Variants in ULK4 observed in about 807,000 individuals in gnomAD.
ULK4 encodes unc-51 like kinase 4.
Under a neutral mutation model 160.6 loss-of-function variants are expected in ULK4, and 133 were observed. The ratio of observed to expected loss-of-function variants is 0.83; its 90% CI spans 0.72 to 0.96. ULK4 has a LOEUF of 0.96. ULK4 is among the 40% of genes least tolerant of loss of function. The pLI is 0.00. For synonymous variants in ULK4, 534 were observed against 539.8 expected (o/e 0.99, Z 0.15); for missense variants, 1,580 against 1,499.5 (o/e 1.05, Z -0.89).
At chr3:41,885,624 C>T (rs1364609435) in intron 16 of ULK4, among the ~76,000 whole-genome samples, 5 of 152,102 alleles carry the variant, frequency 3.3e-5, no homozygotes, top group African/African-American at 9.7e-5. Flanking sequence ...ATCCACTAGA[C>T]ATGTGACTAT....
intron 11 of ULK4, among the ~76,000 whole-genome samples, chr3:41,910,020 C>T (rs1289752532): frequency 1.3e-5 from 2 of 152,080 alleles, no homozygotes; most frequent in African/African-American, 4.8e-5. Flanking sequence ...CCTCAGCCTC[C>T]TAAGTAGCTG....
chr3:41,643,534 C>G (rs867839330), intron 30 of ULK4, among the ~76,000 whole-genome samples: 1 of 152,174 alleles, frequency 6.6e-6, no homozygotes, highest in African/African-American at 2.4e-5. Context: ...GGGCTCTGTT[C>G]TGTTCCATTG....
In ULK4 at chr3:41,356,180, G is replaced by A. The variant is rs184040854; in HGVS notation, c.3678+41899C>T. On this transcript the variant is annotated intron_variant, in intron 35 of 36. Coordinates refer to ENST00000301831, the MANE Select transcript of ULK4 (RefSeq NM_017886.4). ...TGTTCTCCCTGCCAAACTGCTCTTT[G>A]GCTCTTCTGTGACTTTACATGCTTC... is the stretch of plus-strand genomic sequence containing the variant. 3.2e-3 allele frequency among the ~76,000 whole-genome samples: 488 copies of A among 152,134 alleles called. 12 individuals carry two copies. Among genetic ancestry groups the A allele is most frequent in the Admixed American group, 0.029 (439 of 15,286 alleles).
At chr3:41,638,482 CA>C (rs2034050831) in intron 30 of ULK4, among the ~76,000 whole-genome samples, 1 of 152,158 alleles carries the variant, frequency 6.6e-6, no homozygotes. Flanking sequence ...GAGGCATTGG[CA>C]TCACTGAAGA....
chr3:41,492,658 T>C lies in ULK4; in HGVS notation c.3227-29405A>G, dbSNP rs539786135. Among the ~76,000 whole-genome samples the C allele has an allele frequency of 4.0e-4, 60 of 151,876 alleles. 2 individuals carry two copies. In the South Asian group the frequency reaches 0.01, roughly 26 times the overall value. ...AAATTGGATAAAGAGTCAAGGCCCA[T>C]CAGTATGCTGTATTCAGGAGACCCA... On this transcript the variant is annotated intron_variant, in intron 32 of 36. Transcript: ENST00000301831.
At chr3:41,279,267 A>AAAG (rs1559501590) in intron 35 of ULK4, among the ~76,000 whole-genome samples, 1 of 145,046 alleles carries the variant, frequency 6.9e-6, no homozygotes, top group African/African-American at 2.7e-5. Context: ...AAAAAAAAAA[A>AAAG]AAAAAAAACA....
intron 35 of ULK4, among the ~76,000 whole-genome samples, chr3:41,380,848 A>T (rs2081634300): frequency 6.6e-6 from 1 of 152,048 alleles, no homozygotes; most frequent in Non-Finnish European, 1.5e-5. Flanking sequence ...CTTTATCCTC[A>T]GTCTCTTTCC....
At chr3:41,575,294 T>C (rs780999535) in intron 31 of ULK4, among the ~76,000 whole-genome samples, 8 of 152,160 alleles carry the variant, frequency 5.3e-5, no homozygotes, top group Non-Finnish European at 1.0e-4. Context: ...TGGAGTAGGA[T>C]GAAGGTGCTG....
At chr3:41,675,637 G>A (rs1489424460) in intron 29 of ULK4, among the ~76,000 whole-genome samples, 1 of 152,078 alleles carries the variant, frequency 6.6e-6, no homozygotes, top group Non-Finnish European at 1.5e-5. Flanking sequence ...CTGGATTTAG[G>A]ATCGGCCCTA....
intron 34 of ULK4, among the ~76,000 whole-genome samples, chr3:41,447,321 G>A (rs1311385420): frequency 6.6e-6 from 1 of 152,128 alleles, no homozygotes; most frequent in Non-Finnish European, 1.5e-5. Flanking sequence ...GAAGACAGGA[G>A]AATGCTGGAG....
intron 14 of ULK4, among the ~76,000 whole-genome samples, chr3:41,897,910 T>C (rs1698221635): frequency 1.3e-5 from 2 of 152,206 alleles, no homozygotes. Flanking sequence ...ATTTAAGGTA[T>C]GTAAAAATTT....
chr3:41,761,406 T>C (rs1396787688), intron 21 of ULK4, among the ~76,000 whole-genome samples: 1 of 149,154 alleles, frequency 6.7e-6, no homozygotes, highest in Non-Finnish European at 1.5e-5. Context: ...GCTATATATA[T>C]ATTATATATT....
intron 19 of ULK4, among the ~76,000 whole-genome samples, chr3:41,809,211 G>A (rs2040747752): frequency 1.3e-5 from 2 of 150,718 alleles, no homozygotes; most frequent in African/African-American, 4.9e-5. Context: ...AAAAGAATTT[G>A]GTGCTACTTT....
chr3:41,303,203 G>T (rs1162850688), intron 35 of ULK4, among the ~76,000 whole-genome samples: 3 of 152,078 alleles, frequency 2.0e-5, no homozygotes, highest in African/African-American at 7.2e-5. Context: ...TGGACAAAAA[G>T]GTTTTCCTAT....
intron 16 of ULK4, among the ~76,000 whole-genome samples, chr3:41,887,413 T>TG (rs1414717672): frequency 1.4e-4 from 21 of 152,366 alleles, no homozygotes; most frequent in African/African-American, 4.8e-4. Context: ...ACAAAGATAT[T>TG]GGAATTATTA....
intron 29 of ULK4, among the ~76,000 whole-genome samples, chr3:41,674,760 C>T (rs560717473): frequency 1.3e-5 from 2 of 152,104 alleles, no homozygotes; most frequent in African/African-American, 2.4e-5. Context: ...ACGGATTTGA[C>T]ACATCATTTC....
intron 16 of ULK4, among the ~76,000 whole-genome samples, chr3:41,887,145 C>T (rs1358237851): frequency 6.6e-6 from 1 of 152,186 alleles, no homozygotes; most frequent in Non-Finnish European, 1.5e-5. Flanking sequence ...AAGTCTTGGA[C>T]CTGGCCCTGG....
At chr3:41,849,519 G>A (rs902678235) in intron 17 of ULK4, among the ~76,000 whole-genome samples, 6 of 152,234 alleles carry the variant, frequency 3.9e-5, no homozygotes, top group Non-Finnish European at 5.9e-5. Context: ...GCAGAGCACA[G>A]GGGCTTCGTA....
chr3:41,523,069 C>T (rs1162971844), intron 32 of ULK4, among the ~76,000 whole-genome samples: 1 of 152,006 alleles, frequency 6.6e-6, no homozygotes, highest in Non-Finnish European at 1.5e-5. Flanking sequence ...CCACCACGCC[C>T]GACTAATTTT....
Sources: gnomAD v4.1 joint callset for allele counts (sites outside exome capture counted in the v4.1 genomes callset) on GRCh38, gnomAD v4.1.1 for gene constraint, MANE v1.5 for transcripts, NCBI Gene and HGNC (gene_info 2026-07-23, HGNC 2026-07-21) for gene names.